PIK3C2A: variants seen among roughly 807,000 people sequenced by gnomAD.
The protein encoded by PIK3C2A is phosphatidylinositol-4-phosphate 3-kinase catalytic subunit type 2 alpha.
In PIK3C2A, 97 loss-of-function variants were observed where a neutral mutation model predicts 204.5. The observed-to-expected ratio is 0.47, with a 90% CI of 0.40 to 0.56. The LOEUF (loss-of-function observed/expected upper bound fraction) is 0.56, where lower values mean the gene tolerates loss of function less well. Among genes scored for constraint, PIK3C2A ranks in the 20% least tolerant of loss-of-function variants. PIK3C2A has a pLI of 0.00. For synonymous variants in PIK3C2A, 653 were observed against 664.4 expected (o/e 0.98, Z 0.26); for missense variants, 1,735 against 1,969.2 (o/e 0.88, Z 2.25).
intron 6 of PIK3C2A, among the ~76,000 whole-genome samples, chr11:17,146,707 G>A (rs921765906): frequency 2.0e-5 from 3 of 150,638 alleles, no homozygotes; most frequent in Non-Finnish European, 4.4e-5. Flanking sequence ...GATGACAGAG[G>A]GAAACTCTGT....
intron 1 of PIK3C2A, among the ~76,000 whole-genome samples, chr11:17,188,045 C>T (rs1013364869): frequency 3.3e-5 from 5 of 151,946 alleles, no homozygotes; most frequent in African/African-American, 4.8e-5. Flanking sequence ...ATGATAAATA[C>T]GGGGATTTTG....
Position 17,104,615 on chromosome 11 carries a change from C to G in PIK3C2A, c.3681+554G>C, listed in dbSNP as rs1417731382. 6.0e-5 allele frequency among the ~76,000 whole-genome samples: 9 copies of G among 149,712 alleles called. No homozygotes were observed. The Admixed American group carries it at 6.1e-4, about 10-fold the overall frequency. On this transcript the variant is annotated intron_variant, in intron 23 of 32. Coordinates refer to ENST00000691414, the MANE Select transcript of PIK3C2A (RefSeq NM_002645.4). ...TGGTGGGCGCCTGTAGCCCCAGCTA[C>G]TTGGGAGGCTGAGGCAGGAGAATGG...
At chr11:17,196,085 C>T (rs937819007) in intron 1 of PIK3C2A, among the ~76,000 whole-genome samples, 1 of 151,958 alleles carries the variant, frequency 6.6e-6, no homozygotes, top group Admixed American at 6.6e-5. Context: ...AACATACTAT[C>T]ACATTGTGGA....
chr11:17,093,203 G>T lies in PIK3C2A; in HGVS notation c.4452-927C>A, dbSNP rs544188156. ...CTGGTCATTGAGCTACATTAAAACT[G>T]AAGACTCCCAAAGGGTATCAGATAC... is the stretch of plus-strand genomic sequence containing the variant. On this transcript the variant is annotated intron_variant, in intron 28 of 32. Coordinates refer to ENST00000691414, the MANE Select transcript of PIK3C2A (RefSeq NM_002645.4). Among the ~76,000 whole-genome samples the T allele has an allele frequency of 3.9e-5, 6 of 152,346 alleles. No homozygotes were observed. The South Asian group carries it at 1.2e-3, about 32-fold the overall frequency.
intron 11 of PIK3C2A, among the ~76,000 whole-genome samples, chr11:17,133,064 C>T (rs925853353): frequency 6.6e-6 from 1 of 152,188 alleles, no homozygotes; most frequent in South Asian, 2.1e-4. Context: ...TAATTCAAAT[C>T]AAATTTCGTT....
rs1314646321 is a variant in PIK3C2A, at chr11:17,117,661, C to A, written c.3046G>T (p.Asp1016Tyr). 20 of 1,446,552 alleles carry A rather than the reference C, an allele frequency of 1.4e-5. No homozygotes were observed. Among genetic ancestry groups the A allele is most frequent in the Non-Finnish European group, 1.8e-5 (19 of 1,053,600 alleles). The allele number at this position is 1,446,552 out of a possible 1,614,324, so 89.6% of individuals were successfully genotyped here. Residue 1016 changes from aspartate to tyrosine, a missense_variant, in exon 19 of 33, where the codon GAT (aspartate) becomes TAT (tyrosine). By Grantham distance (160) the Asp-to-Tyr change is radical. This residue lies in a region of PIK3C2A where 567 missense variants were observed against 576.0 expected (regional missense o/e 0.98). Coordinates refer to ENST00000691414, the MANE Select transcript of PIK3C2A (RefSeq NM_002645.4). ...CTAAACTGTACATCATGCAGGGCAT[C>A]TTTGAGAAGCCTAATACAGCAAAAT... ...IAHNLYWLLK[D>Y]ALHDVQFSTR...
chr11:17,170,364 T>C (rs1474619183), intron 1 of PIK3C2A, among the ~76,000 whole-genome samples: 1 of 152,220 alleles, frequency 6.6e-6, no homozygotes, highest in Non-Finnish European at 1.5e-5. Context: ...TCCAGAAATA[T>C]TAAAAATGTA....
intron 32 of PIK3C2A, among the ~76,000 whole-genome samples, chr11:17,091,026 C>T (rs1234330381): frequency 6.6e-6 from 1 of 151,718 alleles, no homozygotes; most frequent in Non-Finnish European, 1.5e-5. Flanking sequence ...GGATTACAGG[C>T]ATGAGCCACT....
At chr11:17,170,723 T>C (rs1379861112) in intron 1 of PIK3C2A, among the ~76,000 whole-genome samples, 1 of 152,218 alleles carries the variant, frequency 6.6e-6, no homozygotes, top group African/African-American at 2.4e-5. Flanking sequence ...TTAGCTACTC[T>C]GTAACACCGA....
intron 6 of PIK3C2A, among the ~76,000 whole-genome samples, chr11:17,147,057 T>G (rs868846131): frequency 2.0e-5 from 3 of 152,234 alleles, no homozygotes; most frequent in Admixed American, 6.5e-5. Flanking sequence ...AAGCACTTTT[T>G]TTTTTAAACA....
intron 1 of PIK3C2A, among the ~76,000 whole-genome samples, chr11:17,176,377 G>T (rs1356632492): frequency 3.9e-5 from 6 of 151,988 alleles, no homozygotes; most frequent in Non-Finnish European, 5.9e-5. Flanking sequence ...AACTTTGGGA[G>T]GCTGAAGTGG....
At chr11:17,184,857 C>G (rs1851700410) in intron 1 of PIK3C2A, among the ~76,000 whole-genome samples, 2 of 152,094 alleles carry the variant, frequency 1.3e-5, no homozygotes, top group Admixed American at 1.3e-4. Flanking sequence ...GTGGGAGGAT[C>G]ATTTGAGCCT....
chr11:17,177,949 T>C lies in PIK3C2A; in HGVS notation c.-65-8143A>G, dbSNP rs1591000159. Reference sequence around the variant, plus strand: ...CTCTACTGAAAATACAAAAATTAGCTAGGCATAGTGGTGGGTGTCTGTAAT... The same window carrying C: ...CTCTACTGAAAATACAAAAATTAGCCAGGCATAGTGGTGGGTGTCTGTAAT... On this transcript the variant is annotated intron_variant, in intron 1 of 32. Coordinates refer to ENST00000691414, the MANE Select transcript of PIK3C2A (RefSeq NM_002645.4). Among the ~76,000 whole-genome samples, 3 of 151,790 alleles carry C rather than the reference T, an allele frequency of 2.0e-5. No individual in the cohort carries two copies. The South Asian group carries it at 6.3e-4, about 32-fold the overall frequency.
chr11:17,097,688 C>T (rs1848491732), intron 26 of PIK3C2A, among the ~76,000 whole-genome samples: 6 of 152,090 alleles, frequency 3.9e-5, no homozygotes, highest in Admixed American at 1.3e-4. Flanking sequence ...CCAAGGGGAG[C>T]GGATCACTTG....
intron 1 of PIK3C2A, among the ~76,000 whole-genome samples, chr11:17,183,074 G>A (rs1361401121): frequency 2.0e-5 from 3 of 152,074 alleles, no homozygotes; most frequent in Non-Finnish European, 2.9e-5. Flanking sequence ...AAACTCCTAA[G>A]TTCAAGCAAT....
At chr11:17,182,632 CA>C (rs1259360709) in intron 1 of PIK3C2A, among the ~76,000 whole-genome samples, 1 of 146,876 alleles carries the variant, frequency 6.8e-6, no homozygotes, top group East Asian at 2.0e-4. Flanking sequence ...TTAAAAAATA[CA>C]AATAAAAGCT....
intron 4 of PIK3C2A, among the ~76,000 whole-genome samples, chr11:17,150,263 C>T (rs1295143974): frequency 1.3e-5 from 2 of 152,112 alleles, no homozygotes; most frequent in African/African-American, 2.4e-5. Flanking sequence ...CTATCTAATG[C>T]TTTTCAGCCT....
At chr11:17,123,426 T>G (rs982884561) in intron 13 of PIK3C2A, among the ~76,000 whole-genome samples, 14 of 150,848 alleles carry the variant, frequency 9.3e-5, no homozygotes, top group African/African-American at 2.9e-4. Flanking sequence ...TTCTTGTTTT[T>G]TTTTTTTTTT....
intron 9 of PIK3C2A, among the ~76,000 whole-genome samples, 165 bp from the exon 10 acceptor site, chr11:17,135,324 A>G (rs1196088917): frequency 6.6e-6 from 1 of 152,172 alleles, no homozygotes; most frequent in Non-Finnish European, 1.5e-5. Flanking sequence ...AAAACCACAA[A>G]CCAAGATTAT....
Sources: gnomAD v4.1 joint callset for allele counts (sites outside exome capture counted in the v4.1 genomes callset) on GRCh38, gnomAD v4.1.1 for gene constraint, gnomAD v4.1.1 regional missense constraint, MANE v1.5 for transcripts, NCBI Gene and HGNC (gene_info 2026-07-23, HGNC 2026-07-21) for gene names.